Variants in EYS observed in about 807,000 individuals in gnomAD.
The protein encoded by EYS is protein eyes shut homolog.
EYS carries 250 observed loss-of-function variants against 282.1 expected under a neutral mutation model. That is an observed-to-expected ratio of 0.89 (90% CI 0.80 to 0.98). The LOEUF is 0.98. Ranked by LOEUF, EYS falls within the 50% of genes least tolerant of loss-of-function variation. The probability of loss-of-function intolerance (pLI) is 0.00; values close to 1 mark genes in which losing one functional copy is unlikely to be tolerated. For synonymous variants in EYS, 1,355 were observed against 1,282.9 expected (o/e 1.06, Z -1.20); for missense variants, 4,016 against 3,709.0 (o/e 1.08, Z -2.15).
intron 31 of EYS, among the ~76,000 whole-genome samples, chr6:64,120,606 T>C (rs1354666908): frequency 6.7e-6 from 1 of 149,298 alleles, no homozygotes; most frequent in East Asian, 1.9e-4. Flanking sequence ...TTTAAGCCCC[T>C]GAATATAAAT....
At chr6:65,527,679 G>C (rs1215363306) in intron 2 of EYS, among the ~76,000 whole-genome samples, 2 of 152,184 alleles carry the variant, frequency 1.3e-5, no homozygotes, top group Non-Finnish European at 2.9e-5. Flanking sequence ...ATTGGACGCT[G>C]TCTTTGCTAT....
chr6:64,628,365 T>G (rs1474100461), intron 22 of EYS, among the ~76,000 whole-genome samples: 3 of 152,154 alleles, frequency 2.0e-5, no homozygotes, highest in Non-Finnish European at 4.4e-5. Flanking sequence ...TCATTGTCTT[T>G]CCTTGAATAT....
intron 40 of EYS, among the ~76,000 whole-genome samples, chr6:63,776,547 T>G (rs2149663506): frequency 6.6e-6 from 1 of 152,324 alleles, no homozygotes; most frequent in East Asian, 1.9e-4. Flanking sequence ...GGAAATAATA[T>G]TTTAAAAAAT....
chr6:64,667,723 T>A (rs1316185855), intron 22 of EYS, among the ~76,000 whole-genome samples: 1 of 152,120 alleles, frequency 6.6e-6, no homozygotes, highest in Admixed American at 6.6e-5. Flanking sequence ...ATTTACATAT[T>A]GTTTTTTAAG....
chr6:65,497,190 C>A (rs992224111), intron 2 of EYS, among the ~76,000 whole-genome samples: 3 of 151,850 alleles, frequency 2.0e-5, no homozygotes, highest in Admixed American at 6.6e-5. Flanking sequence ...ATGTGCAAGG[C>A]AATATGCTCA....
chr6:64,591,467 T>G lies in EYS; in HGVS notation c.4400A>C (p.Glu1467Ala), dbSNP rs953336109. 1 of 1,551,360 alleles carries G rather than the reference T, an allele frequency of 6.4e-7. No individual in the cohort carries two copies. Among genetic ancestry groups the G allele is most frequent in the South Asian group, 1.2e-5 (1 of 84,058 alleles). ...ATCAGCTGAATATTCTTCAATATCC[T>G]CTTGAGCCCCCCTAGAGACAACTGG... Reference protein sequence around the residue: ...ATPVVSRGAQEDIEEYSADSL... With the variant: ...ATPVVSRGAQADIEEYSADSL... The change falls in exon 26 of 43, where the codon GAG (glutamate) becomes GCG (alanine). Residue 1467 changes from glutamate (E) to alanine (A), a missense_variant. Glu to Ala is a moderately radical substitution (Grantham distance 107, BLOSUM62 -1). Transcript: ENST00000503581.
intron 40 of EYS, among the ~76,000 whole-genome samples, chr6:63,776,364 A>G (rs1297569140): frequency 6.6e-6 from 1 of 152,072 alleles, no homozygotes; most frequent in Admixed American, 6.6e-5. Context: ...GATTCTGGAG[A>G]GAATCTTGAC....
chr6:65,166,528 TA>T (rs1764975555), intron 12 of EYS, among the ~76,000 whole-genome samples: 1 of 151,160 alleles, frequency 6.6e-6, no homozygotes, highest in Admixed American at 6.6e-5. Flanking sequence ...TACAAAATAC[TA>T]AAGTTGGACC....
At chr6:65,676,485 AC>A (rs1292443049) in intron 1 of EYS, among the ~76,000 whole-genome samples, 1 of 151,870 alleles carries the variant, frequency 6.6e-6, no homozygotes, top group African/African-American at 2.4e-5. Flanking sequence ...CCAGACACAT[AC>A]AACCTACTAA....
At chr6:64,057,472 T>A (rs116571688) in intron 33 of EYS, among the ~76,000 whole-genome samples, 3,898 of 152,106 alleles carry the variant, frequency 0.026, 74 homozygotes, top group Non-Finnish European at 0.04. Flanking sequence ...ATATAACAAT[T>A]TCAATTTTTC....
At chr6:64,921,085 T>G (rs955891894) in intron 15 of EYS, among the ~76,000 whole-genome samples, 1 of 152,162 alleles carries the variant, frequency 6.6e-6, no homozygotes, top group African/African-American at 2.4e-5. Flanking sequence ...GGACTGGCAT[T>G]ATAATAAATG....
rs1289123278 is a variant in EYS, at chr6:63,864,146, T to C, written c.7228+40A>G. ...AGTGATTTCTATCCTCTTCACCTCT[T>C]TCTGTCTGTGCTCCATGTTTAATAA... On this transcript the variant is annotated intron_variant, in intron 36 of 42. Transcript: ENST00000503581. 5 of 1,422,732 alleles carry C rather than the reference T, an allele frequency of 3.5e-6. No homozygotes were observed. The South Asian group carries it at 8.3e-5, about 23-fold the overall frequency. 88.1% of individuals were successfully genotyped at this position (1,422,732 alleles called of 1,614,324 possible). A position where few individuals can be genotyped will look rare whatever the true frequency, so the allele number is the denominator to read the frequency against.
chr6:64,141,849 T>C (rs1774347634), intron 31 of EYS, among the ~76,000 whole-genome samples: 1 of 152,138 alleles, frequency 6.6e-6, no homozygotes, highest in South Asian at 2.1e-4. Flanking sequence ...TTTGCATACT[T>C]GCCGCATATT....
chr6:64,146,091 A>G (rs562278123), intron 31 of EYS, among the ~76,000 whole-genome samples: 2 of 152,176 alleles, frequency 1.3e-5, no homozygotes, highest in South Asian at 2.1e-4. Flanking sequence ...AGTGGCCACA[A>G]CTGTGGGGAC....
At chr6:64,952,855 C>T (rs900310072) in intron 14 of EYS, among the ~76,000 whole-genome samples, 1 of 151,842 alleles carries the variant, frequency 6.6e-6, no homozygotes, top group Non-Finnish European at 1.5e-5. Context: ...TCCAAGAGGG[C>T]AGAAACTTTC....
chr6:63,822,799 C>A (rs67727731), intron 36 of EYS, among the ~76,000 whole-genome samples: 12,464 of 152,132 alleles, frequency 0.082, 566 homozygotes, highest in East Asian at 0.16. Context: ...AATAGTTATA[C>A]TAGGCATCCT....
chr6:64,590,433 C>T lies in EYS; in HGVS notation c.5434G>A (p.Val1812Ile). The T allele has an allele frequency of 6.4e-7, 1 of 1,551,396 alleles. No individual in the cohort carries two copies. Among genetic ancestry groups the T allele is most frequent in the Non-Finnish European group, 8.7e-7 (1 of 1,146,774 alleles). The part of the protein sequence containing the change: ...LSIQTSSSMS[V>I]IRPDWPYFTD... ...AAATATGGCCAATCTGGCCTAATTA[C>T]AGACATGGAGGAAGACGTCTGTATT... Residue 1812 changes from valine (V) to isoleucine (I), a missense_variant, in exon 26 of 43, where the codon GTA (valine) becomes ATA (isoleucine). Coordinates refer to ENST00000503581, the MANE Select transcript of EYS (RefSeq NM_001142800.2).
intron 26 of EYS, among the ~76,000 whole-genome samples, chr6:64,545,554 T>C (rs142264818): frequency 6.3e-4 from 96 of 152,248 alleles, no homozygotes; most frequent in African/African-American, 2.1e-3. Context: ...TAAAGGGTAT[T>C]CAGTTAGGAA....
In EYS at chr6:65,091,355, C is replaced by T. The variant is rs111649368; in HGVS notation, c.2024-33628G>A. Among the ~76,000 whole-genome samples, 850 of 149,368 alleles carry T rather than the reference C, an allele frequency of 5.7e-3. 9 individuals are homozygous for T. The highest frequency in any genetic ancestry group is 0.02 in the African/African-American group (811 of 40,550). On this transcript the variant is annotated intron_variant, in intron 12 of 42. Coordinates refer to ENST00000503581, the MANE Select transcript of EYS (RefSeq NM_001142800.2). ...ATCCCAGCTACTCAGGAGACTGAGG[C>T]AGGAGAATCATTTGAATTTGCGGGG...
Sources: gnomAD v4.1 joint callset for allele counts (sites outside exome capture counted in the v4.1 genomes callset) on GRCh38, gnomAD v4.1.1 for gene constraint, MANE v1.5 for transcripts, NCBI Gene and HGNC (gene_info 2026-07-23, HGNC 2026-07-21) for gene names.